Variants in KMO observed in about 807,000 individuals in gnomAD.
The protein encoded by KMO is kynurenine 3-monooxygenase.
In KMO, 24 loss-of-function variants were observed where a neutral mutation model predicts 57.8. The ratio of observed to expected loss-of-function variants is 0.42; its 90% CI spans 0.30 to 0.58. The LOEUF (loss-of-function observed/expected upper bound fraction) is 0.58, where lower values mean the gene tolerates loss of function less well. KMO is among the 20% of genes least tolerant of loss of function. The pLI, the probability that KMO is intolerant of heterozygous loss-of-function variation, is 0.22. For synonymous variants in KMO, 210 were observed against 193.6 expected, an observed-to-expected ratio of 1.08 and a Z score of -0.70; for missense variants, 483 against 588.2, an observed-to-expected ratio of 0.82 and a Z score of 1.85.
intron 4 of KMO, among the ~76,000 whole-genome samples, chr1:241,551,684 C>G (rs1428624830): frequency 1.3e-5 from 2 of 152,180 alleles, no homozygotes; most frequent in Non-Finnish European, 1.5e-5. Flanking sequence ...AATGAATGCA[C>G]CAAACATCCA....
rs1663421774 is a variant in KMO, at chr1:241,594,167, A to G, written c.*2014A>G. 2.2e-5 allele frequency: 9 copies of G among 418,192 alleles called. No individual in the cohort carries two copies. The highest frequency in any genetic ancestry group is 3.4e-5 in the Non-Finnish European group (8 of 236,836). 25.9% of individuals were successfully genotyped at this position (418,192 alleles called of 1,614,324 possible). A position where few individuals can be genotyped will look rare whatever the true frequency, so the allele number is the denominator to read the frequency against. On this transcript the variant is annotated 3_prime_UTR_variant, in exon 15 of 15. Transcript: ENST00000366559. ...TATTTGAAATGAAAATCTCCAACAC[A>G]TTAGAAGATGATGATGTTAGATGCC...
At chr1:241,574,173 G>A (rs1219876242) in intron 10 of KMO, among the ~76,000 whole-genome samples, 1 of 152,120 alleles carries the variant, frequency 6.6e-6, no homozygotes. Context: ...TTTTGAATGA[G>A]TCTTTAGGGT....
Position 241,594,506 on chromosome 1 carries a change from A to T in KMO, c.*2353A>T. 4.3e-6 allele frequency: 7 copies of T among 1,614,134 alleles called. No individual in the cohort carries two copies. Among genetic ancestry groups the T allele is most frequent in the Non-Finnish European group, 5.9e-6 (7 of 1,179,988 alleles). On this transcript the variant is annotated 3_prime_UTR_variant, in exon 15 of 15. Coordinates refer to ENST00000366559, the MANE Select transcript of KMO (RefSeq NM_003679.5). ...TGTCGTCAACTGACAGTGATTCATC[A>T]CTGGTGATGATAAAAATGATGGAAG...
chr1:241,554,195 T>C (rs543701309), intron 4 of KMO, among the ~76,000 whole-genome samples: 1 of 152,296 alleles, frequency 6.6e-6, no homozygotes, highest in East Asian at 1.9e-4. Flanking sequence ...CCAGATTTAT[T>C]ATTACATATT....
At chr1:241,553,114 T>C (rs550841372) in intron 4 of KMO, among the ~76,000 whole-genome samples, 1 of 152,366 alleles carries the variant, frequency 6.6e-6, no homozygotes, top group East Asian at 1.9e-4. Flanking sequence ...ATCTAACCTT[T>C]TTTAGGTTTT....
At chr1:241,557,260 A>G (rs1022698142) in intron 5 of KMO, among the ~76,000 whole-genome samples, 8 of 152,330 alleles carry the variant, frequency 5.3e-5, no homozygotes, top group African/African-American at 1.9e-4. Context: ...ATCCCTTACT[A>G]AGTCTAAGCC....
At chr1:241,560,578 C>G in intron 5 of KMO, 87 bp from the exon 6 acceptor site, 4 of 952,566 alleles carry the variant, frequency 4.2e-6, no homozygotes, top group Non-Finnish European at 6.8e-6. Context: ...CCATACTGTT[C>G]CCAGAAAACA....
At chr1:241,566,908 G>A (rs1662102913) in intron 9 of KMO, among the ~76,000 whole-genome samples, 1 of 152,182 alleles carries the variant, frequency 6.6e-6, no homozygotes, top group African/African-American at 2.4e-5. Flanking sequence ...ACAGGAACTG[G>A]CTGAACTTTT....
At chr1:241,552,790 T>G (rs1001520029) in intron 4 of KMO, among the ~76,000 whole-genome samples, 1 of 152,198 alleles carries the variant, frequency 6.6e-6, no homozygotes, top group African/African-American at 2.4e-5. Context: ...CTGGCCTCCC[T>G]CCTTCAGCTG....
chr1:241,560,947 C>A (rs114677549), intron 6 of KMO, among the ~76,000 whole-genome samples, 195 bp downstream of exon 6: 3 of 152,192 alleles, frequency 2.0e-5, no homozygotes, highest in Non-Finnish European at 2.9e-5. Context: ...GCCAATAATT[C>A]TTAATTCTCA....
intron 1 of KMO, chr1:241,536,592 T>A (rs1032510486): frequency 2.1e-4 from 132 of 636,362 alleles, no homozygotes; most frequent in Non-Finnish European, 2.5e-4. Context: ...CATTCCAGTC[T>A]CAGCTGACTC....
intron 1 of KMO, among the ~76,000 whole-genome samples, chr1:241,541,749 T>C (rs1412030268): frequency 6.6e-6 from 1 of 152,216 alleles, no homozygotes; most frequent in Admixed American, 6.5e-5. Flanking sequence ...GACACTGATG[T>C]GCTTATTGCA....
intron 10 of KMO, among the ~76,000 whole-genome samples, chr1:241,580,201 T>C (rs1308132016): frequency 6.6e-6 from 1 of 152,144 alleles, no homozygotes; most frequent in Non-Finnish European, 1.5e-5. Flanking sequence ...TCCTTCCGTT[T>C]TCCTGTTAAG....
intron 6 of KMO, among the ~76,000 whole-genome samples, chr1:241,561,793 T>A (rs1269048531): frequency 6.6e-6 from 1 of 152,258 alleles, no homozygotes; most frequent in Non-Finnish European, 1.5e-5. Flanking sequence ...TTCTAATACC[T>A]GTGCTCAAGA....
Position 241,588,818 on chromosome 1 carries a change from C to T in KMO, c.1086C>T (p.Tyr362=), listed in dbSNP as rs772336703. 6 of 1,610,050 alleles carry T rather than the reference C, an allele frequency of 3.7e-6. No homozygotes were observed. In the African/African-American group the frequency reaches 6.7e-5, roughly 18 times the overall value. Residue 362 remains tyrosine (Y), a synonymous_variant, in exon 12 of 15, where the codon TAC becomes TAT. Coordinates refer to ENST00000366559, the MANE Select transcript of KMO (RefSeq NM_003679.5). ...DDHAISDLSM[Y]NYIEMRAHVN... ...ACGCGATTTCAGACCTATCCATGTA[C>T]AATTACATAGAGGTGAGTGAGAAGG... is the stretch of plus-strand genomic sequence containing the variant.
At chr1:241,554,911 G>C (rs1466227466) in intron 4 of KMO, among the ~76,000 whole-genome samples, 1 of 151,836 alleles carries the variant, frequency 6.6e-6, no homozygotes, top group Non-Finnish European at 1.5e-5. Context: ...GAACCTGGAA[G>C]GTGGAGGTTG....
intron 10 of KMO, among the ~76,000 whole-genome samples, chr1:241,584,868 G>A (rs1662905406): frequency 6.6e-6 from 1 of 152,140 alleles, no homozygotes; most frequent in South Asian, 2.1e-4. Flanking sequence ...CCTGGCTCCA[G>A]AATTTACTGC....
chr1:241,573,543 A>C (rs1275392930), intron 10 of KMO, among the ~76,000 whole-genome samples: 1 of 152,040 alleles, frequency 6.6e-6, no homozygotes, highest in Non-Finnish European at 1.5e-5. Context: ...TCCTTGCCTC[A>C]ATTTATGTTT....
At chr1:241,541,486 T>A (rs1350144957) in intron 1 of KMO, among the ~76,000 whole-genome samples, 1 of 152,142 alleles carries the variant, frequency 6.6e-6, no homozygotes, top group Non-Finnish European at 1.5e-5. Context: ...TATAGACAGG[T>A]TCAGTAGTCA....
Sources: gnomAD v4.1 joint callset for allele counts (sites outside exome capture counted in the v4.1 genomes callset) on GRCh38, gnomAD v4.1.1 for gene constraint, MANE v1.5 for transcripts, NCBI Gene and HGNC (gene_info 2026-07-23, HGNC 2026-07-21) for gene names.